The following TENM2 variants were observed in gnomAD, a reference collection of about 807,000 sequenced individuals.
The protein encoded by TENM2 is teneurin-2.
Under a neutral mutation model 245.2 loss-of-function variants are expected in TENM2, and 52 were observed. That is an observed-to-expected ratio of 0.21 (90% confidence interval 0.17 to 0.27). The LOEUF is 0.27. Ranked by LOEUF, TENM2 falls within the 10% of genes least tolerant of loss-of-function variation. The probability of loss-of-function intolerance (pLI) is 1.00; values close to 1 mark genes in which losing one functional copy is unlikely to be tolerated. For missense variants in TENM2, 3,046 were observed against 3,666.8 expected (o/e 0.83, Z 4.37); for synonymous variants, 1,363 against 1,438.9 (o/e 0.95, Z 1.19).
chr5:167,959,157 T>A (rs1035736022), intron 4 of TENM2, among the ~76,000 whole-genome samples: 1 of 152,146 alleles, frequency 6.6e-6, no homozygotes, highest in Non-Finnish European at 1.5e-5. Flanking sequence ...AGTCCCATAT[T>A]TCTTGGAGGC....
intron 2 of TENM2, among the ~76,000 whole-genome samples, chr5:167,560,263 C>G (rs1773502635): frequency 6.6e-6 from 1 of 152,202 alleles, no homozygotes; most frequent in East Asian, 1.9e-4. Flanking sequence ...AGCACTCCGT[C>G]TCTAACCTCT....
Position 168,068,185 on chromosome 5 carries a change from T to G in TENM2, c.1515+5920T>G, listed in dbSNP as rs535668068. 2.5e-4 allele frequency among the ~76,000 whole-genome samples: 38 copies of G among 151,924 alleles called. No homozygotes were observed. In the South Asian group the frequency reaches 7.7e-3, roughly 31 times the overall value. On this transcript the variant is annotated intron_variant, in intron 7 of 28. Coordinates refer to ENST00000518659, the Ensembl canonical transcript of TENM2. ...GGAGAAATCTCATGGCATGCTTGAG[T>G]CTGGAAAGAGAACCGGTGTGAAGGG...
the TENM2 span, among the ~76,000 whole-genome samples, chr5:167,227,778 G>A: frequency 6.6e-6 from 1 of 152,182 alleles, no homozygotes; most frequent in Non-Finnish European, 1.5e-5. Flanking sequence ...TGAGCCTGCT[G>A]TATCTGGATG....
intron 2 of TENM2, chr5:167,755,144 C>T: frequency 1.9e-6 from 3 of 1,599,154 alleles, no homozygotes; most frequent in Non-Finnish European, 2.5e-6. Context: ...CAGTACCTCA[C>T]CTCAGTCTGT....
chr5:168,204,221 A>T lies in TENM2; in HGVS notation c.3575-151A>T, dbSNP rs538180106. 3 of 809,516 alleles carry T rather than the reference A, an allele frequency of 3.7e-6. No individual in the cohort carries two copies. The Admixed American group carries it at 9.0e-5, about 24-fold the overall frequency. 50.1% of individuals were successfully genotyped at this position (809,516 alleles called of 1,614,324 possible). ...ACAGCATTTGGGGTCCACCTCTCCC[A>T]CTGCAGCTCTCTCCACATTGTGAAG... On this transcript the variant is annotated intron_variant, in intron 18 of 28. Transcript: ENST00000518659.
the TENM2 span, among the ~76,000 whole-genome samples, chr5:167,258,559 A>C: frequency 9.2e-4 from 140 of 152,198 alleles, no homozygotes; most frequent in African/African-American, 3.0e-3. Context: ...GAAGTTCTAG[A>C]AAACATTTTT....
At chr5:167,683,608 A>G (rs941465866) in intron 2 of TENM2, among the ~76,000 whole-genome samples, 1 of 152,226 alleles carries the variant, frequency 6.6e-6, no homozygotes, top group Non-Finnish European at 1.5e-5. Context: ...CCATGCCCCA[A>G]ATAGCATGGT....
At chr5:167,414,233 T>C (rs771735738) in intron 2 of TENM2, among the ~76,000 whole-genome samples, 1 of 152,168 alleles carries the variant, frequency 6.6e-6, no homozygotes, top group Non-Finnish European at 1.5e-5. Flanking sequence ...ATAAAGGCAA[T>C]TACATGGAAT....
At chr5:167,763,922 A>G (rs1402961124) in intron 2 of TENM2, among the ~76,000 whole-genome samples, 1 of 151,938 alleles carries the variant, frequency 6.6e-6, no homozygotes. Context: ...AAAGAACCCA[A>G]TGAGTAACTG....
At chr5:167,818,656 G>C (rs1767257889) in intron 2 of TENM2, among the ~76,000 whole-genome samples, 1 of 152,068 alleles carries the variant, frequency 6.6e-6, no homozygotes, top group African/African-American at 2.4e-5. Flanking sequence ...GGTGTCCCAA[G>C]GGATCTTTGC....
the TENM2 span, among the ~76,000 whole-genome samples, chr5:167,180,438 C>T: frequency 6.6e-6 from 1 of 152,042 alleles, no homozygotes; most frequent in African/African-American, 2.4e-5. Context: ...TTCATTCTTC[C>T]CGGAGAAAGA....
intron 2 of TENM2, among the ~76,000 whole-genome samples, chr5:167,771,735 G>T (rs1174857055): frequency 6.6e-6 from 1 of 152,278 alleles, no homozygotes; most frequent in Non-Finnish European, 1.5e-5. Context: ...ATTTGAGGGG[G>T]CAGCCATTAC....
exon 16 of TENM2, chr5:168,198,904 A>G: frequency 6.2e-7 from 1 of 1,614,008 alleles, no homozygotes; most frequent in Non-Finnish European, 8.5e-7. Context: ...ACTTTGAGCG[A>G]GCCCCGTTCA....
chr5:167,358,811 A>G (rs1759511779), intron 1 of TENM2, among the ~76,000 whole-genome samples: 1 of 2,378 alleles, frequency 4.2e-4, no homozygotes, highest in East Asian at 1.2e-3. Flanking sequence ...CTGCACACAC[A>G]CACACACACA....
chr5:167,941,922 A>T (rs576991281), intron 3 of TENM2, among the ~76,000 whole-genome samples: 29 of 150,744 alleles, frequency 1.9e-4, no homozygotes, highest in African/African-American at 6.1e-4. Context: ...CATCTCAAAA[A>T]ACAGGCCAGG....
chr5:168,022,424 T>C (rs1328100820), intron 5 of TENM2, among the ~76,000 whole-genome samples: 1 of 152,250 alleles, frequency 6.6e-6, no homozygotes. Flanking sequence ...CCTAACTGTC[T>C]CCCAAATCCT....
chr5:167,120,437 G>A, the TENM2 span, among the ~76,000 whole-genome samples: 1 of 152,162 alleles, frequency 6.6e-6, no homozygotes, highest in Admixed American at 6.5e-5. Flanking sequence ...TCTGAATCGA[G>A]GAAAATCACA....
At chr5:167,390,977 A>G (rs9313376) in intron 2 of TENM2, among the ~76,000 whole-genome samples, 95,063 of 151,996 alleles carry the variant, frequency 0.63, 32,039 homozygotes, top group African/African-American at 0.9. Flanking sequence ...AGCTCAACTG[A>G]GCTACTTATT....
chr5:168,138,918 TG>T (rs753437928), intron 12 of TENM2, among the ~76,000 whole-genome samples: 1 of 152,182 alleles, frequency 6.6e-6, no homozygotes, highest in Non-Finnish European at 1.5e-5. Context: ...AAGAAAGAAG[TG>T]GTTTGCAGAG....
Sources: gnomAD v4.1 joint callset for allele counts (sites outside exome capture counted in the v4.1 genomes callset) on GRCh38, gnomAD v4.1.1 for gene constraint, MANE v1.5 for transcripts, NCBI Gene and HGNC (gene_info 2026-07-23, HGNC 2026-07-21) for gene names.